The following LAMC2 variants were observed in gnomAD, a reference collection of about 807,000 sequenced individuals.
LAMC2 encodes laminin subunit gamma 2.
LAMC2 carries 97 observed loss-of-function variants against 140.2 expected under a neutral mutation model. The observed-to-expected ratio is 0.69, with a 90% confidence interval of 0.59 to 0.82. LAMC2 has a LOEUF of 0.82. Ranked by LOEUF, LAMC2 falls within the 40% of genes least tolerant of loss-of-function variation. The pLI, the probability that LAMC2 is intolerant of heterozygous loss-of-function variation, is 0.00. For synonymous variants in LAMC2, 513 were observed against 540.2 expected, an observed-to-expected ratio of 0.95 and a Z score of 0.70; for missense variants, 1,402 against 1,476.1, an observed-to-expected ratio of 0.95 and a Z score of 0.82.
At chr1:183,254,157 C>T in the LAMC2 span, among the ~76,000 whole-genome samples, 10 of 152,126 alleles carry the variant, frequency 6.6e-5, no homozygotes, top group African/African-American at 2.4e-4. Flanking sequence ...CTTTAGGAAC[C>T]TCTATTCTGT....
At chr1:183,207,858 T>C in intron 1 of LAMC2, 23 bp from the exon 2 acceptor site, 1 of 1,528,722 alleles carries the variant, frequency 6.5e-7, no homozygotes, top group Non-Finnish European at 9.0e-7. Flanking sequence ...TTTGACGATC[T>C]CTTTTGTATG....
chr1:183,215,526 C>A lies in LAMC2; in HGVS notation c.342C>A (p.Asp114Glu), dbSNP rs141151554. 1 of 1,614,188 alleles carries A rather than the reference C, an allele frequency of 6.2e-7. No individual in the cohort carries two copies. ...CAGGTGTGACAGGAGCCAGATGCGA[C>A]CGATGTCTGCCAGGCTTCCACATGC... ...CKPGVTGARCDRCLPGFHMLT... is the reference protein window; with the variant it reads ...CKPGVTGARCERCLPGFHMLT... The change falls in exon 3 of 23, where the codon GAC becomes GAA. Residue 114 changes from aspartate (D) to glutamate (E), a missense_variant. Physicochemically the swap from Asp to Glu is conservative, Grantham distance 45. Transcript: ENST00000264144.
intron 1 of LAMC2, among the ~76,000 whole-genome samples, chr1:183,187,631 A>G: frequency 6.6e-6 from 1 of 152,232 alleles, no homozygotes. Flanking sequence ...AGTTTTAAAA[A>G]GTGATAAATA....
intron 7 of LAMC2, among the ~76,000 whole-genome samples, 177 bp downstream of exon 7, chr1:183,223,501 G>T (rs571226685): frequency 6.6e-6 from 1 of 152,280 alleles, no homozygotes; most frequent in East Asian, 1.9e-4. Flanking sequence ...TCAAGCAGCT[G>T]ACAGGCTAAT....
chr1:183,197,376 A>G (rs760190450), intron 1 of LAMC2, among the ~76,000 whole-genome samples: 1 of 152,188 alleles, frequency 6.6e-6, no homozygotes, highest in Non-Finnish European at 1.5e-5. Flanking sequence ...GAGATAACCA[A>G]TTGGAAATGT....
At chr1:183,258,332 A>T in the LAMC2 span, among the ~76,000 whole-genome samples, 1 of 152,156 alleles carries the variant, frequency 6.6e-6, no homozygotes, top group African/African-American at 2.4e-5. Context: ...CTCACTGGAG[A>T]CCAGCTCACT....
chr1:183,234,166 C>A (rs1393816612), intron 14 of LAMC2, among the ~76,000 whole-genome samples: 1 of 152,188 alleles, frequency 6.6e-6, no homozygotes, highest in Non-Finnish European at 1.5e-5. Flanking sequence ...GGATTACAGG[C>A]ATGAGCCACC....
chr1:183,199,505 A>C (rs557768403), intron 1 of LAMC2, among the ~76,000 whole-genome samples: 32 of 148,604 alleles, frequency 2.2e-4, no homozygotes, highest in African/African-American at 7.5e-4. Context: ...TCCCTCCCTC[A>C]ATTCCTTTCT....
chr1:183,219,833 A>C (rs1183118070), intron 4 of LAMC2, among the ~76,000 whole-genome samples: 1 of 152,242 alleles, frequency 6.6e-6, no homozygotes, highest in Non-Finnish European at 1.5e-5. Context: ...CATGTGGTGC[A>C]GTGGCTTAGA....
intron 5 of LAMC2, among the ~76,000 whole-genome samples, chr1:183,221,335 T>C (rs78707166): frequency 0.042 from 6,405 of 152,256 alleles, 435 homozygotes; most frequent in African/African-American, 0.14. Context: ...ATATAATAAA[T>C]GAGCTGATTT....
rs199997297 is a variant in LAMC2, at chr1:183,234,318, G to A, written c.2221-49G>A. 1.6e-4 allele frequency: 233 copies of A among 1,466,422 alleles called. 2 individuals carry two copies. The East Asian group carries it at 4.5e-3, about 28-fold the overall frequency. 90.8% of individuals were successfully genotyped at this position (1,466,422 alleles called of 1,614,324 possible). A position where few individuals can be genotyped will look rare whatever the true frequency, so the allele number is the denominator to read the frequency against. ...GCACCTGCTTAAGTTCCATGGCCAA[G>A]TGCAAAGCCTTAACCGATTCGCCTT... On this transcript the variant is annotated intron_variant, in intron 14 of 22. Coordinates refer to ENST00000264144, the MANE Select transcript of LAMC2 (RefSeq NM_005562.3).
intron 6 of LAMC2, among the ~76,000 whole-genome samples, 172 bp downstream of exon 6, chr1:183,222,383 C>T (rs569588298): frequency 2.0e-4 from 30 of 152,246 alleles, no homozygotes; most frequent in African/African-American, 6.7e-4. Context: ...ATTTGAGAGT[C>T]ACTAAGGAAT....
At chr1:183,194,909 T>A (rs1658465597) in intron 1 of LAMC2, among the ~76,000 whole-genome samples, 1 of 152,190 alleles carries the variant, frequency 6.6e-6, no homozygotes, top group Admixed American at 6.5e-5. Flanking sequence ...AGTGTGGAGT[T>A]CCATGGAGGT....
chr1:183,250,341 T>C, the LAMC2 span: 1 of 152,274 alleles, frequency 6.6e-6, no homozygotes, highest in African/African-American at 2.4e-5. Flanking sequence ...CTGAGATCTC[T>C]TTATTTCTAA....
At position 183,228,311 on chromosome 1, in the gene LAMC2, C is replaced by T; in HGVS notation, c.1469-63C>T. On this transcript the variant is annotated intron_variant, in intron 10 of 22. Coordinates refer to ENST00000264144, the MANE Select transcript of LAMC2 (RefSeq NM_005562.3). The surrounding 1 kb of genome is among the most constrained non-coding windows in gnomAD (Gnocchi z 4.3). Reference sequence around the variant, plus strand: ...TAGAGGGTGACTCGCAACTTTAGGCCTCTGCGTCTGGTCTTCCTCCTGATG... The same window carrying T: ...TAGAGGGTGACTCGCAACTTTAGGCTTCTGCGTCTGGTCTTCCTCCTGATG... The T allele has an allele frequency of 6.2e-7, 1 of 1,611,414 alleles. No homozygotes were observed. Among genetic ancestry groups the T allele is most frequent in the South Asian group, 1.1e-5 (1 of 90,724 alleles).
At chr1:183,198,204 T>G (rs987836286) in intron 1 of LAMC2, among the ~76,000 whole-genome samples, 6 of 150,738 alleles carry the variant, frequency 4.0e-5, no homozygotes, top group African/African-American at 1.5e-4. Context: ...TGCAGTTTCG[T>G]GATCTCGGCT....
rs1459744767 is a variant in LAMC2, at chr1:183,243,407, C to A, written c.*7C>A. ...GGCTCTTGAGCAACAGTGAAGCTGC[C>A]ATAAATATTTCTCAACTGAGGTTCT... is the stretch of plus-strand genomic sequence containing the variant. On this transcript the variant is annotated 3_prime_UTR_variant, in exon 23 of 23. Transcript: ENST00000264144. 1 of 1,614,176 alleles carries A rather than the reference C, an allele frequency of 6.2e-7. No individual in the cohort carries two copies. Among genetic ancestry groups the A allele is most frequent in the South Asian group, 1.1e-5 (1 of 91,084 alleles).
At position 183,197,663 on chromosome 1, in the gene LAMC2, G is replaced by A. The variant is rs185897321; in HGVS notation, c.80-10218G>A. ...TGCACTCCAGTCTGGGCGACAGAGCGAGACTCCGTCTCAAAAAAAAAAAAA... is the reference window on the plus strand; with the variant it reads ...TGCACTCCAGTCTGGGCGACAGAGCAAGACTCCGTCTCAAAAAAAAAAAAA... On this transcript the variant is annotated intron_variant, in intron 1 of 22. Transcript: ENST00000264144. Among the ~76,000 whole-genome samples, 379 of 144,820 alleles carry A rather than the reference G, an allele frequency of 2.6e-3. 4 individuals carry two copies. The highest frequency in any genetic ancestry group is 9.1e-3 in the African/African-American group (355 of 39,144).
At chr1:183,218,034 A>C (rs1026898305) in intron 3 of LAMC2, among the ~76,000 whole-genome samples, 1 of 152,264 alleles carries the variant, frequency 6.6e-6, no homozygotes, top group African/African-American at 2.4e-5. Flanking sequence ...ATAGGGAAAC[A>C]AATGATAATT....
Sources: gnomAD v4.1 joint callset for allele counts (sites outside exome capture counted in the v4.1 genomes callset) on GRCh38, gnomAD v4.1.1 for gene constraint, Gnocchi (gnomAD v3.1) non-coding constraint, MANE v1.5 for transcripts, NCBI Gene and HGNC (gene_info 2026-07-23, HGNC 2026-07-21) for gene names.